The following TMEM63B variants were observed in gnomAD, a reference collection of about 807,000 sequenced individuals.
TMEM63B encodes mechanosensitive cation channel TMEM63B.
A neutral mutation model predicts 102.6 loss-of-function variants in TMEM63B; 23 were observed. The ratio of observed to expected loss-of-function variants is 0.22; its 90% CI spans 0.16 to 0.32. The LOEUF (loss-of-function observed/expected upper bound fraction) is 0.32, where lower values mean the gene tolerates loss of function less well. Ranked by LOEUF, TMEM63B falls within the 10% of genes least tolerant of loss-of-function variation. TMEM63B has a pLI of 1.00. For synonymous variants in TMEM63B, 444 were observed against 437.0 expected (o/e 1.02, Z -0.20); for missense variants, 628 against 1,095.9 (o/e 0.57, Z 6.03).
In TMEM63B at chr6:44,152,569, T is replaced by C. The variant is rs1275096446; in HGVS notation, c.1837-24T>C. The C allele has an allele frequency of 5.1e-6, 8 of 1,558,098 alleles. No homozygotes were observed. The highest frequency in any genetic ancestry group is 1.4e-5 in the African/African-American group (1 of 73,428). ...GGTCAGTCCCTGCCTCCCTGAGCCA[T>C]CCTCCTGCCCGTCTCCCCCCCAGCA... On this transcript the variant is annotated intron_variant, in intron 19 of 23. Transcript: ENST00000323267. The surrounding 1 kb of genome is among the most constrained non-coding windows in gnomAD (Gnocchi z 6.4).
Position 44,135,077 on chromosome 6 carries a change from T to C in TMEM63B, c.220T>C (p.Leu74=). The change falls in exon 3 of 24, where the codon TTG becomes CTG. Residue 74 remains leucine, a synonymous_variant. Transcript: ENST00000323267. ...GGCCTGGGACTATGGGCGGCTGGCC[T>C]TGGTGACAGATGCAGACAGGTAAGG... ...KVAWDYGRLA[L]VTDADRLRRQ... 6.2e-7 allele frequency: 1 copy of C among 1,614,246 alleles called. No homozygotes were observed. Among genetic ancestry groups the C allele is most frequent in the South Asian group, 1.1e-5 (1 of 91,086 alleles).
At position 44,150,454 on chromosome 6, in the gene TMEM63B, C is replaced by T. The variant is rs1363478034; in HGVS notation, c.1608-110C>T. ...CCACCCCCAGGCCTCCTGAGCTACC[C>T]ACCCCATGTCTGGGAGTCTCCCCAG... On this transcript the variant is annotated intron_variant, in intron 17 of 23. Coordinates refer to ENST00000323267, the MANE Select transcript of TMEM63B (RefSeq NM_018426.3). This position sits in a 1 kb window ranked among gnomAD's most constrained non-coding sequence, Gnocchi z 4.7. The T allele has an allele frequency of 1.8e-5, 26 of 1,475,764 alleles. No individual in the cohort carries two copies. The highest frequency in any genetic ancestry group is 1.1e-5 in the Non-Finnish European group (12 of 1,059,138). 91.4% of individuals were successfully genotyped at this position (1,475,764 alleles called of 1,614,324 possible). A position where few individuals can be genotyped will look rare whatever the true frequency, so the allele number is the denominator to read the frequency against.
chr6:44,150,145 G>T lies in TMEM63B; in HGVS notation c.1521-79G>T. 1 of 1,474,608 alleles carries T rather than the reference G, an allele frequency of 6.8e-7. No homozygotes were observed. The highest frequency in any genetic ancestry group is 9.4e-7 in the Non-Finnish European group (1 of 1,063,032). 91.3% of individuals were successfully genotyped at this position (1,474,608 alleles called of 1,614,324 possible). On this transcript the variant is annotated intron_variant, in intron 16 of 23. Transcript: ENST00000323267. The surrounding 1 kb of genome is among the most constrained non-coding windows in gnomAD (Gnocchi z 4.7). ...CACCCTTCCCAGGGGACACTCCTTG[G>T]ACATTGTCCTTGTTGGGGGAGCAAG...
Position 44,154,677 on chromosome 6 carries a change from C to T in TMEM63B, c.2308-15C>T. ...GCAGCTGTTCACCTTGCCCCCATTT[C>T]CTCTCCTCCTTCAGAAATACATCGC... On this transcript the variant is annotated splice_polypyrimidine_tract_variant and intron_variant, in intron 23 of 23. Transcript: ENST00000323267. 1 of 1,405,362 alleles carries T rather than the reference C, an allele frequency of 7.1e-7. No individual in the cohort carries two copies. The highest frequency in any genetic ancestry group is 9.6e-7 in the Non-Finnish European group (1 of 1,039,098). The allele number at this position is 1,405,362 out of a possible 1,614,324, so 87.1% of individuals were successfully genotyped here.
At position 44,138,635 on chromosome 6, in the gene TMEM63B, C is replaced by A. The variant is rs946386498; in HGVS notation, c.407+118C>A. The stretch of plus-strand genomic sequence containing the variant: ...CTTAGCACTCCTCGCCAGCACAGCA[C>A]CCTCCTCCCTGCTCTCAAAGGCCAA... On this transcript the variant is annotated intron_variant, in intron 6 of 23. Transcript: ENST00000323267. The A allele has an allele frequency of 2.5e-6, 3 of 1,205,962 alleles. No homozygotes were observed. In the Middle Eastern group the frequency reaches 5.7e-4, roughly 229 times the overall value. 74.7% of individuals were successfully genotyped at this position (1,205,962 alleles called of 1,614,324 possible). A position where few individuals can be genotyped will look rare whatever the true frequency, so the allele number is the denominator to read the frequency against.
chr6:44,140,453 A>T (rs949430725), intron 9 of TMEM63B, 93 bp downstream of exon 9: 1 of 1,036,182 alleles, frequency 9.7e-7, no homozygotes. Flanking sequence ...AAGAGGTGTC[A>T]GCTAGGTTTG....
At position 44,148,360 on chromosome 6, in the gene TMEM63B, T is replaced by C; in HGVS notation, c.1096T>C (p.Phe366Leu). 6.2e-7 allele frequency: 1 copy of C among 1,614,252 alleles called. No homozygotes were observed. The highest frequency in any genetic ancestry group is 8.5e-7 in the Non-Finnish European group (1 of 1,180,046). The change falls in exon 13 of 24, where the codon TTC becomes CTC. Residue 366 changes from phenylalanine (F) to leucine (L), a missense_variant. Physicochemically the swap from Phe to Leu is conservative, Grantham distance 22 (BLOSUM62 0). Around this residue, in one of 6 missense-constraint regions of TMEM63B, gnomAD observed 336 missense variants for 580.3 expected, o/e 0.58. Coordinates refer to ENST00000323267, the MANE Select transcript of TMEM63B (RefSeq NM_018426.3). The surrounding 1 kb of genome is among the most constrained non-coding windows in gnomAD (Gnocchi z 5.1). ...EKPLGMAFVTFHNETITAIIL... is the reference protein window; with the variant it reads ...EKPLGMAFVTLHNETITAIIL... ...GCCTCTTGGCATGGCCTTTGTCACC[T>C]TCCACAATGAGACTATCACCGCCAT... is the stretch of plus-strand genomic sequence containing the variant.
chr6:44,138,953 C>A, intron 6 of TMEM63B: 1 of 250,176 alleles, frequency 4.0e-6, no homozygotes. Context: ...CGCCACCACT[C>A]CCCCAGGCCT....
At chr6:44,134,345 C>T in intron 1 of TMEM63B, 1 of 532,188 alleles carries the variant, frequency 1.9e-6, no homozygotes, top group Non-Finnish European at 3.3e-6. Context: ...GACTGAGTTC[C>T]CCAGACCCAG....
At position 44,152,153 on chromosome 6, in the gene TMEM63B, C is replaced by G. The variant is rs1766821736; in HGVS notation, c.1836+145C>G. On this transcript the variant is annotated intron_variant, in intron 19 of 23. Transcript: ENST00000323267. This position sits in a 1 kb window ranked among gnomAD's most constrained non-coding sequence, Gnocchi z 6.4. The stretch of plus-strand genomic sequence containing the variant: ...GACTCACGGTGGATCCGGGCCATCC[C>G]CTTCCCATATCTGGGGCCTTCGTAT... The G allele has an allele frequency of 6.4e-6, 7 of 1,085,754 alleles. No homozygotes were observed. The South Asian group carries it at 1.2e-4, about 18-fold the overall frequency. 67.3% of individuals were successfully genotyped at this position (1,085,754 alleles called of 1,614,324 possible). A position where few individuals can be genotyped will look rare whatever the true frequency, so the allele number is the denominator to read the frequency against.
rs6458370 is a variant in TMEM63B, at chr6:44,140,829, G to A, written c.712-199G>A. 0.51 allele frequency among the ~76,000 whole-genome samples: 77,084 copies of A among 151,756 alleles called. 19,672 individuals carry two copies. Among genetic ancestry groups the A allele is most frequent in the Admixed American group, 0.56 (8,591 of 15,226 alleles). On this transcript the variant is annotated intron_variant, in intron 9 of 23. Transcript: ENST00000323267. ...TTAGGCTCACTGCCTGATTTCTGTT[G>A]GAAACACTCCCCTGCTTTCCCTGGG... is the stretch of plus-strand genomic sequence containing the variant.
Position 44,148,126 on chromosome 6 carries a change from A to AG in TMEM63B, c.988-126_988-125insG, listed in dbSNP as rs1765809106. The AG allele has an allele frequency of 9.1e-6, 13 of 1,435,434 alleles. No homozygotes were observed. In the East Asian group the frequency reaches 9.3e-5, roughly 10 times the overall value. 88.9% of individuals were successfully genotyped at this position (1,435,434 alleles called of 1,614,324 possible). ...CATCAGAGCGAGACGCTGTTTCCAAAAAAAAAAAAATGCTTAGAGGAGCAG... is the reference window on the plus strand; with the variant it reads ...CATCAGAGCGAGACGCTGTTTCCAAAGAAAAAAAAAATGCTTAGAGGAGCAG... On this transcript the variant is annotated intron_variant, in intron 12 of 23. Coordinates refer to ENST00000323267, the MANE Select transcript of TMEM63B (RefSeq NM_018426.3). This position sits in a 1 kb window ranked among gnomAD's most constrained non-coding sequence, Gnocchi z 5.1.
chr6:44,154,357 CCCT>C lies in TMEM63B; in HGVS notation c.2227-6_2227-4del. ...CCCCACTTCCTGACTCATTCTGGGCCCCTCAAGATTGAGCACACGGAGACAGAT... is the reference window on the plus strand; with the variant it reads ...CCCCACTTCCTGACTCATTCTGGGCCCAAGATTGAGCACACGGAGACAGAT... On this transcript the variant is annotated splice_region_variant and splice_polypyrimidine_tract_variant and intron_variant, in intron 22 of 23. Coordinates refer to ENST00000323267, the MANE Select transcript of TMEM63B (RefSeq NM_018426.3). 6.2e-7 allele frequency: 1 copy of C among 1,613,792 alleles called. No individual in the cohort carries two copies. The highest frequency in any genetic ancestry group is 1.7e-5 in the Admixed American group (1 of 60,000).
chr6:44,143,569 T>C (rs1764737340), intron 10 of TMEM63B, among the ~76,000 whole-genome samples: 1 of 144,750 alleles, frequency 6.9e-6, no homozygotes, highest in African/African-American at 2.6e-5. Flanking sequence ...TGGTGTTTGT[T>C]GTTTTTGTTT....
intron 10 of TMEM63B, 46 bp downstream of exon 10, chr6:44,141,144 C>A: frequency 1.9e-6 from 3 of 1,562,262 alleles, no homozygotes; most frequent in Non-Finnish European, 2.6e-6. Context: ...TGCTGCAGAG[C>A]CTTCTCTGCC....
chr6:44,152,734 G>A lies in TMEM63B; in HGVS notation c.1942+36G>A, dbSNP rs576633940. 9.1e-6 allele frequency: 14 copies of A among 1,544,678 alleles called. No individual in the cohort carries two copies. The highest frequency in any genetic ancestry group is 5.6e-5 in the South Asian group (5 of 89,468). The stretch of plus-strand genomic sequence containing the variant: ...CCGCGCCGGGACCTGGGCCCTGCTC[G>A]GGGGGACCCAGGACTTCACCCTCTC... On this transcript the variant is annotated intron_variant, in intron 20 of 23. Transcript: ENST00000323267. This position sits in a 1 kb window ranked among gnomAD's most constrained non-coding sequence, Gnocchi z 6.4.
In TMEM63B at chr6:44,148,514, A is replaced by G; in HGVS notation, c.1123A>G (p.Ile375Val). 6.2e-7 allele frequency: 1 copy of G among 1,613,990 alleles called. No individual in the cohort carries two copies. The highest frequency in any genetic ancestry group is 8.5e-7 in the Non-Finnish European group (1 of 1,179,928). ...GGTAACCAGTGCCCATCTTTCTAGCATCCTGAAGGACTTCAACGTGTGTAA... is the reference window on the plus strand; with the variant it reads ...GGTAACCAGTGCCCATCTTTCTAGCGTCCTGAAGGACTTCAACGTGTGTAA... ...TFHNETITAIILKDFNVCKCQ... is the reference protein window; with the variant it reads ...TFHNETITAIVLKDFNVCKCQ... The change falls in exon 14 of 24, where the codon ATC (isoleucine) becomes GTC (valine). Residue 375 changes from isoleucine (I) to valine (V), a missense_variant and splice_region_variant. Ile to Val is a conservative substitution (Grantham distance 29). Coordinates refer to ENST00000323267, the MANE Select transcript of TMEM63B (RefSeq NM_018426.3). This position sits in a 1 kb window ranked among gnomAD's most constrained non-coding sequence, Gnocchi z 5.1.
At chr6:44,133,873 G>C (rs1005000381) in intron 1 of TMEM63B, among the ~76,000 whole-genome samples, 1 of 152,230 alleles carries the variant, frequency 6.6e-6, no homozygotes, top group Non-Finnish European at 1.5e-5. Context: ...GGCGATCCCT[G>C]TGCAAATAAC....
At chr6:44,154,637 C>T (rs570925632) in intron 23 of TMEM63B, 55 bp from the exon 24 acceptor site, 6 of 1,518,696 alleles carry the variant, frequency 4.0e-6, no homozygotes, top group Middle Eastern at 2.5e-4. Flanking sequence ...CTGGTGTTCC[C>T]GCAATCCATG....
Sources: allele counts gnomAD v4.1 joint callset (sites outside exome capture counted in the v4.1 genomes callset), GRCh38; gene constraint gnomAD v4.1.1; regional missense constraint gnomAD v4.1.1; non-coding constraint Gnocchi (gnomAD v3.1); transcripts MANE v1.5; gene names NCBI Gene and HGNC (gene_info 2026-07-23, HGNC 2026-07-21).